ALG6: variants seen among roughly 807,000 people sequenced by gnomAD.
ALG6 encodes the protein ALG6 alpha-1,3-glucosyltransferase, also known as dolichyl pyrophosphate Man9GlcNAc2 alpha-1,3-glucosyltransferase.
A neutral mutation model predicts 66.6 loss-of-function variants in ALG6; 46 were observed. The observed-to-expected ratio is 0.69, with a 90% CI of 0.55 to 0.88. The LOEUF is 0.88. Ranked by LOEUF, ALG6 falls within the 40% of genes least tolerant of loss-of-function variation. The pLI is 0.00. For synonymous variants in ALG6, 185 were observed against 203.7 expected (o/e 0.91, Z 0.78); for missense variants, 505 against 586.8 (o/e 0.86, Z 1.44).
chr1:63,411,077 G>A, intron 7 of ALG6, 69 bp from the exon 8 acceptor site: 1 of 1,514,040 alleles, frequency 6.6e-7, no homozygotes, highest in Non-Finnish European at 9.1e-7. Flanking sequence ...TATCTCTTGT[G>A]TGATTTGCTT....
intron 8 of ALG6, 57 bp downstream of exon 8, chr1:63,411,388 ATACT>A: frequency 2.0e-6 from 3 of 1,509,508 alleles, no homozygotes; most frequent in Non-Finnish European, 2.7e-6. Context: ...TTTTTTTGGC[ATACT>A]TACTTGCAGT....
chr1:63,437,230 T>C lies in ALG6; in HGVS notation c.*210T>C, dbSNP rs1557600126. 2.0e-6 allele frequency: 1 copy of C among 508,962 alleles called. No individual in the cohort carries two copies. The highest frequency in any genetic ancestry group is 3.5e-6 in the Non-Finnish European group (1 of 283,508). The allele number at this position is 508,962 out of a possible 1,614,324, so 31.5% of individuals were successfully genotyped here. A position where few individuals can be genotyped will look rare whatever the true frequency, so the allele number is the denominator to read the frequency against. ...CAATGGAGGCTTGTCTAAGTACTGC[T>C]TGGCCAAAACATGTGGTTTTATTAT... On this transcript the variant is annotated 3_prime_UTR_variant, in exon 15 of 15. Transcript: ENST00000263440.
chr1:63,437,465 T>A lies in ALG6; in HGVS notation c.*445T>A. On this transcript the variant is annotated 3_prime_UTR_variant, in exon 15 of 15. Coordinates refer to ENST00000263440, the MANE Select transcript of ALG6 (RefSeq NM_013339.4). ...TAATGGAAATCACTAATTTTGGTATTCAAACTTACATTTTAGAATGCAAGT... is the reference window on the plus strand; with the variant it reads ...TAATGGAAATCACTAATTTTGGTATACAAACTTACATTTTAGAATGCAAGT... 5.7e-6 allele frequency: 1 copy of A among 175,520 alleles called. No homozygotes were observed. Among genetic ancestry groups the A allele is most frequent in the East Asian group, 1.6e-4 (1 of 6,182 alleles). The allele number at this position is 175,520 out of a possible 1,614,324, so 10.9% of individuals were successfully genotyped here. A position where few individuals can be genotyped will look rare whatever the true frequency, so the allele number is the denominator to read the frequency against.
chr1:63,373,259 A>G (rs1647996755), intron 2 of ALG6, among the ~76,000 whole-genome samples: 1 of 150,548 alleles, frequency 6.6e-6, no homozygotes. Context: ...TGCCTGCCCC[A>G]GCCTCCCAAA....
intron 2 of ALG6, among the ~76,000 whole-genome samples, chr1:63,395,570 C>CT (rs1251052103): frequency 6.6e-6 from 1 of 152,132 alleles, no homozygotes; most frequent in Non-Finnish European, 1.5e-5. Flanking sequence ...TGGCACACGC[C>CT]TATAATCCCA....
intron 10 of ALG6, 116 bp downstream of exon 10, chr1:63,414,262 T>TG: frequency 1.2e-6 from 1 of 808,246 alleles, no homozygotes; most frequent in Non-Finnish European, 1.9e-6. Flanking sequence ...TTTCTTTTTT[T>TG]TTTTTTTGAG....
intron 2 of ALG6, among the ~76,000 whole-genome samples, chr1:63,371,888 C>T (rs1439451076): frequency 6.6e-6 from 1 of 151,808 alleles, no homozygotes; most frequent in African/African-American, 2.4e-5. Flanking sequence ...CAGGCGTGAG[C>T]CACCGCACCC....
chr1:63,369,706 T>A (rs1454719108), intron 1 of ALG6, among the ~76,000 whole-genome samples: 2 of 152,152 alleles, frequency 1.3e-5, no homozygotes, highest in African/African-American at 4.8e-5. Context: ...TTGCCCTAAA[T>A]TTTTTAGTTG....
At chr1:63,387,532 CTT>C (rs760731397) in intron 2 of ALG6, among the ~76,000 whole-genome samples, 6 of 59,494 alleles carry the variant, frequency 1.0e-4, no homozygotes, top group African/African-American at 2.1e-4. Context: ...TTGTCTTTCT[CTT>C]TTTTTTTTTT....
chr1:63,379,533 C>T (rs1046721463), intron 2 of ALG6, among the ~76,000 whole-genome samples: 3 of 152,212 alleles, frequency 2.0e-5, no homozygotes, highest in Admixed American at 6.5e-5. Flanking sequence ...GGCTTTGCCT[C>T]CTTACTGACT....
At chr1:63,420,106 A>G (rs540344858) in intron 12 of ALG6, among the ~76,000 whole-genome samples, 1 of 152,340 alleles carries the variant, frequency 6.6e-6, no homozygotes, top group South Asian at 2.1e-4. Context: ...ACATGTACAG[A>G]ATGACCAATG....
At chr1:63,373,891 G>A (rs1648023236) in intron 2 of ALG6, among the ~76,000 whole-genome samples, 1 of 151,664 alleles carries the variant, frequency 6.6e-6, no homozygotes, top group Non-Finnish European at 1.5e-5. Context: ...CAAAGTACTG[G>A]GATTATAGGT....
chr1:63,401,119 A>AG (rs1286932725), intron 3 of ALG6, among the ~76,000 whole-genome samples: 1 of 152,098 alleles, frequency 6.6e-6, no homozygotes, highest in Non-Finnish European at 1.5e-5. Context: ...ATGTTTCTGG[A>AG]GGGACAATGG....
intron 12 of ALG6, among the ~76,000 whole-genome samples, chr1:63,419,669 G>T (rs553160643): frequency 6.6e-6 from 1 of 152,026 alleles, no homozygotes; most frequent in African/African-American, 2.4e-5. Flanking sequence ...ATTTCTTCCT[G>T]TTCCTTCACT....
chr1:63,426,607 G>A (rs918684497), intron 12 of ALG6, among the ~76,000 whole-genome samples: 1 of 152,128 alleles, frequency 6.6e-6, no homozygotes, highest in Non-Finnish European at 1.5e-5. Context: ...AAAGTGACAT[G>A]GTCATAGCTC....
Position 63,407,135 on chromosome 1 carries a change from T to A in ALG6, c.494+9T>A. The A allele has an allele frequency of 6.3e-7, 1 of 1,592,410 alleles. No individual in the cohort carries two copies. The highest frequency in any genetic ancestry group is 8.6e-7 in the Non-Finnish European group (1 of 1,161,016). On this transcript the variant is annotated intron_variant, in intron 7 of 14. Coordinates refer to ENST00000263440, the MANE Select transcript of ALG6 (RefSeq NM_013339.4). The stretch of plus-strand genomic sequence containing the variant: ...GACTATGGACATTTTCAGTATCCTT[T>A]ACTAATGCAGAAATGAAGTCAGTTG...
At position 63,370,795 on chromosome 1, in the gene ALG6, A is replaced by G. The variant is rs1392376213; in HGVS notation, c.-183A>G. 2 of 633,586 alleles carry G rather than the reference A, an allele frequency of 3.2e-6. No homozygotes were observed. Among genetic ancestry groups the G allele is most frequent in the African/African-American group, 3.7e-5 (2 of 54,564 alleles). The allele number at this position is 633,586 out of a possible 1,614,324, so 39.2% of individuals were successfully genotyped here. ...GGATACTTCTACATAGACATAATCA[A>G]GTTTTGACTATTTGGAAACCAAGCA... On this transcript the variant is annotated 5_prime_UTR_variant, in exon 2 of 15. Transcript: ENST00000263440.
At chr1:63,422,319 ATGAATATATATC>A (rs1644587387) in intron 12 of ALG6, among the ~76,000 whole-genome samples, 1 of 118,704 alleles carries the variant, frequency 8.4e-6, no homozygotes, top group Admixed American at 1.1e-4. Flanking sequence ...ATATCTATAT[ATGAATATATATC>A]TATAGGAATA....
intron 3 of ALG6, among the ~76,000 whole-genome samples, chr1:63,400,665 G>T (rs930256273): frequency 4.6e-5 from 7 of 151,900 alleles, no homozygotes; most frequent in Non-Finnish European, 1.0e-4. Context: ...GAAAAAATAG[G>T]TTTTGTCTAT....
Sources: gnomAD v4.1 joint callset for allele counts (sites outside exome capture counted in the v4.1 genomes callset) on GRCh38, gnomAD v4.1.1 for gene constraint, MANE v1.5 for transcripts, NCBI Gene and HGNC (gene_info 2026-07-23, HGNC 2026-07-21) for gene names.